The following HMGCL variants were observed in gnomAD, a reference collection of about 807,000 sequenced individuals.
HMGCL encodes the protein 3-hydroxy-3-methylglutaryl-CoA lyase, also known as hydroxymethylglutaryl-CoA lyase, mitochondrial.
A neutral mutation model predicts 37.3 loss-of-function variants in HMGCL; 26 were observed. That is an observed-to-expected ratio of 0.70 (90% CI 0.51 to 0.97). The LOEUF (loss-of-function observed/expected upper bound fraction) is 0.97. Among genes scored for constraint, HMGCL ranks in the 50% least tolerant of loss-of-function variants. The probability of loss-of-function intolerance (pLI) is 0.00; values close to 1 mark genes in which losing one functional copy is unlikely to be tolerated. For missense variants in HMGCL, 379 were observed against 398.1 expected, an observed-to-expected ratio of 0.95 and a Z score of 0.41; for synonymous variants, 151 against 148.0, an observed-to-expected ratio of 1.02 and a Z score of -0.15.
rs12131539 is a variant in HMGCL at position 23,802,696 on chromosome 1, G to A, written c.877-132C>T. The A allele has an allele frequency of 4.6e-3, 3,274 of 706,902 alleles. 11 individuals are homozygous for A. Among genetic ancestry groups the A allele is most frequent in the Middle Eastern group, 6.5e-3 (28 of 4,304 alleles). 43.8% of individuals were successfully genotyped at this position (706,902 alleles called of 1,614,324 possible). A position where few individuals can be genotyped will look rare whatever the true frequency, so the allele number is the denominator to read the frequency against. ...ATAAACAGGCTTTTTCCTTGACAGC[G>A]GGGCACCAGCTGCCTGTGAGCTCCT... On this transcript the variant is annotated intron_variant, in intron 8 of 8. Transcript: ENST00000374490.
chr1:23,808,465 A>G, intron 6 of HMGCL, 142 bp from the exon 7 acceptor site: 1 of 743,612 alleles, frequency 1.3e-6, no homozygotes, highest in Non-Finnish European at 2.4e-6. Flanking sequence ...GCTCCTCACC[A>G]CTCCAACTGG....
Position 23,806,899 on chromosome 1 carries a change from C to G in HMGCL, c.750+1236G>C. 1 of 505,980 alleles carries G rather than the reference C, an allele frequency of 2.0e-6. No individual in the cohort carries two copies. The highest frequency in any genetic ancestry group is 3.9e-6 in the Non-Finnish European group (1 of 253,338). The allele number at this position is 505,980 out of a possible 1,614,324, so 31.3% of individuals were successfully genotyped here. A position where few individuals can be genotyped will look rare whatever the true frequency, so the allele number is the denominator to read the frequency against. ...TCCCCACCCACCATAACATGAGCTC[C>G]CAGAGGGCAGGGATTGGGTCTTGTT... On this transcript the variant is annotated intron_variant, in intron 7 of 8. Transcript: ENST00000374490. The surrounding 1 kb of genome is among the most constrained non-coding windows in gnomAD (Gnocchi z 4.0).
chr1:23,816,892 C>G, intron 3 of HMGCL, 122 bp from the exon 4 acceptor site: 1 of 741,458 alleles, frequency 1.3e-6, no homozygotes, highest in Non-Finnish European at 2.5e-6. Flanking sequence ...ATTCCTTCTG[C>G]AGAGCTGAGT....
rs1370242689 is a variant in HMGCL at position 23,802,559 on chromosome 1, C to T, written c.882G>A (p.Val294=). The change falls in exon 9 of 9, where the codon GTG becomes GTA. Residue 294 remains valine (V), a synonymous_variant. Transcript: ENST00000374490. ...MLEGLGIHTG[V]NLQKLLEAGN... is the part of the protein sequence containing the mutation. ...CAGCTTCCAGAAGCTTCTGGAGATT[C>T]ACACCCTTTGAGAAACAAGTTAGAG... 6.2e-6 allele frequency: 10 copies of T among 1,610,412 alleles called. No individual in the cohort carries two copies. In the African/African-American group the frequency reaches 1.3e-4, roughly 22 times the overall value.
chr1:23,808,479 T>G (rs999177452), intron 6 of HMGCL, among the ~76,000 whole-genome samples, 156 bp from the exon 7 acceptor site: 1 of 152,206 alleles, frequency 6.6e-6, no homozygotes, highest in African/African-American at 2.4e-5. Flanking sequence ...CAACTGGGAA[T>G]GATGATCCTC....
chr1:23,814,050 T>C, intron 5 of HMGCL, 140 bp downstream of exon 5: 1 of 896,122 alleles, frequency 1.1e-6, no homozygotes, highest in South Asian at 1.4e-5. Context: ...CACACTTATT[T>C]GGGAAAAGAT....
chr1:23,823,011 A>T (rs1159079502), intron 1 of HMGCL, among the ~76,000 whole-genome samples: 1 of 152,058 alleles, frequency 6.6e-6, no homozygotes, highest in African/African-American at 2.4e-5. Context: ...CCCTATCTCT[A>T]CTAAAAACAC....
chr1:23,816,207 G>C (rs967732517), intron 4 of HMGCL, among the ~76,000 whole-genome samples: 1 of 151,508 alleles, frequency 6.6e-6, no homozygotes, highest in Non-Finnish European at 1.5e-5. Context: ...TTATAGGTGT[G>C]AGCCACTGTG....
intron 8 of HMGCL, 109 bp downstream of exon 8, chr1:23,804,291 T>A: frequency 1.5e-6 from 2 of 1,363,596 alleles, no homozygotes; most frequent in Non-Finnish European, 2.1e-6. Flanking sequence ...TTTCCCTCTT[T>A]ACTCCTCAGC....
chr1:23,824,179 T>C (rs1230216376), intron 1 of HMGCL, among the ~76,000 whole-genome samples: 2 of 152,194 alleles, frequency 1.3e-5, no homozygotes, highest in Non-Finnish European at 2.9e-5. Flanking sequence ...CAACAGCGAA[T>C]ACTGACTAAA....
Position 23,817,456 on chromosome 1 carries a change from C to A in HMGCL, c.252+20G>T. On this transcript the variant is annotated intron_variant, in intron 3 of 8. Transcript: ENST00000374490. ...TTTTCATCCCTAGAGAAAGGCCTTT[C>A]ATTGAGGGCTAGGGCTCACCTGGGG... 3 of 1,424,434 alleles carry A rather than the reference C, an allele frequency of 2.1e-6. No homozygotes were observed. Among genetic ancestry groups the A allele is most frequent in the Non-Finnish European group, 9.9e-7 (1 of 1,006,898 alleles). The allele number at this position is 1,424,434 out of a possible 1,614,324, so 88.2% of individuals were successfully genotyped here.
At chr1:23,813,918 A>G (rs934740724) in intron 5 of HMGCL, 2 of 483,970 alleles carry the variant, frequency 4.1e-6, no homozygotes, top group Admixed American at 3.3e-5. Context: ...CCTGGTCTCA[A>G]GCCATCCTCT....
At chr1:23,818,313 G>T (rs1638652296) in intron 2 of HMGCL, among the ~76,000 whole-genome samples, 1 of 152,088 alleles carries the variant, frequency 6.6e-6, no homozygotes, top group Admixed American at 6.6e-5. Flanking sequence ...ACAAAAATTA[G>T]CCAGGCGTGG....
chr1:23,824,497 T>A (rs1246259026), intron 1 of HMGCL, among the ~76,000 whole-genome samples: 1 of 152,196 alleles, frequency 6.6e-6, no homozygotes. Flanking sequence ...GTAAAGATAT[T>A]AACGTGGCTT....
intron 2 of HMGCL, 138 bp from the exon 3 acceptor site, chr1:23,817,721 T>C (rs181467111): frequency 1.4e-6 from 1 of 698,300 alleles, no homozygotes; most frequent in Non-Finnish European, 2.6e-6. Context: ...GTTATTTACA[T>C]AGAAACATTA....
chr1:23,804,033 T>G (rs541633704), intron 8 of HMGCL: 2 of 263,868 alleles, frequency 7.6e-6, no homozygotes, highest in East Asian at 1.9e-4. Flanking sequence ...TGCCCATGCG[T>G]GTGGCCTCAC....
rs1241561641 is a variant in HMGCL, at chr1:23,802,254, T to A, written c.*209A>T. On this transcript the variant is annotated 3_prime_UTR_variant, in exon 9 of 9. Transcript: ENST00000374490. ...GGGAGACTTCAGCCCTCAAAGCCTC[T>A]CACTCCTCAGGTCTGGGCAGGAGGT... 1 of 607,068 alleles carries A rather than the reference T, an allele frequency of 1.6e-6. No homozygotes were observed. The highest frequency in any genetic ancestry group is 1.9e-5 in the African/African-American group (1 of 54,024). The allele number at this position is 607,068 out of a possible 1,614,324, so 37.6% of individuals were successfully genotyped here. A position where few individuals can be genotyped will look rare whatever the true frequency, so the allele number is the denominator to read the frequency against.
At chr1:23,825,322 C>A (rs962313062) in intron 1 of HMGCL, 34 bp downstream of exon 1, 30 of 1,535,212 alleles carry the variant, frequency 2.0e-5, no homozygotes, top group Admixed American at 1.6e-4. Context: ...AGAGTGCCTG[C>A]AGGGCCGCCG....
In HMGCL at chr1:23,807,411, GA is replaced by G. The variant is rs202146345; in HGVS notation, c.750+723del. ...CGAACCTCTAGGGGATAATTGAGAG[GA>G]AAAAAAAAGTGGCTGGAACTGCCAT... is the stretch of plus-strand genomic sequence containing the variant. On this transcript the variant is annotated intron_variant, in intron 7 of 8. Coordinates refer to ENST00000374490, the MANE Select transcript of HMGCL (RefSeq NM_000191.3). The G allele has an allele frequency of 3.7e-3, 1,253 of 340,152 alleles. 20 individuals are homozygous for G. The highest frequency in any genetic ancestry group is 0.024 in the African/African-American group (1,090 of 45,990). 21.1% of individuals were successfully genotyped at this position (340,152 alleles called of 1,614,324 possible). A position where few individuals can be genotyped will look rare whatever the true frequency, so the allele number is the denominator to read the frequency against.
Sources: allele counts gnomAD v4.1 joint callset (sites outside exome capture counted in the v4.1 genomes callset), GRCh38; gene constraint gnomAD v4.1.1; non-coding constraint Gnocchi (gnomAD v3.1); transcripts MANE v1.5; gene names NCBI Gene and HGNC (gene_info 2026-07-23, HGNC 2026-07-21).